Variants in SLC45A2 observed in about 807,000 individuals in gnomAD.
SLC45A2 encodes membrane-associated transporter protein.
Under a neutral mutation model 45.5 loss-of-function variants are expected in SLC45A2, and 36 were observed. The observed-to-expected ratio is 0.79, with a 90% CI of 0.61 to 1.04. The LOEUF is 1.04. SLC45A2 is among the 50% of genes least tolerant of loss of function. SLC45A2 has a pLI of 0.00. For synonymous variants in SLC45A2, 306 were observed against 269.3 expected, an observed-to-expected ratio of 1.14 and a Z score of -1.33; for missense variants, 719 against 671.0, an observed-to-expected ratio of 1.07 and a Z score of -0.79.
chr5:33,971,794 T>G (rs1283978922), intron 2 of SLC45A2, among the ~76,000 whole-genome samples: 2 of 152,030 alleles, frequency 1.3e-5, no homozygotes, highest in African/African-American at 4.8e-5. Flanking sequence ...GCCTGGCTAA[T>G]TTTTGTGTTT....
At chr5:33,967,209 C>T (rs1176179952) in intron 2 of SLC45A2, among the ~76,000 whole-genome samples, 1 of 152,222 alleles carries the variant, frequency 6.6e-6, no homozygotes, top group Non-Finnish European at 1.5e-5. Flanking sequence ...GTGATTAGAA[C>T]TAATGGATTA....
chr5:33,980,794 C>T (rs1030353727), intron 2 of SLC45A2, among the ~76,000 whole-genome samples: 1 of 151,928 alleles, frequency 6.6e-6, no homozygotes, highest in African/African-American at 2.4e-5. Context: ...AAAATCAAAC[C>T]CAATAAGGAT....
chr5:33,984,339 A>T lies in SLC45A2; in HGVS notation c.245T>A (p.Phe82Tyr), dbSNP rs1753174306. The part of the protein sequence containing the change: ...IVWFLSPILG[F>Y]LLQPVVGSAS... ...CGATCCGACCACGGGCTGCAGCAGG[A>T]ATCCCAGGATGGGGCTGAGGAACCA... Residue 82 changes from phenylalanine (F) to tyrosine (Y), a missense_variant, in exon 1 of 7, where the codon TTC becomes TAC. Physicochemically the swap from Phe to Tyr is conservative, Grantham distance 22. Coordinates refer to ENST00000296589, the MANE Select transcript of SLC45A2 (RefSeq NM_016180.5). 2 of 1,613,966 alleles carry T rather than the reference A, an allele frequency of 1.2e-6. No individual in the cohort carries two copies. Among genetic ancestry groups the T allele is most frequent in the African/African-American group, 2.7e-5 (2 of 74,932 alleles).
intron 4 of SLC45A2, among the ~76,000 whole-genome samples, 171 bp downstream of exon 4, chr5:33,954,190 C>T (rs532376291): frequency 6.6e-6 from 1 of 152,224 alleles, no homozygotes; most frequent in African/African-American, 2.4e-5. Context: ...CTCTAGTTGT[C>T]CAGGGTATAG....
chr5:33,947,375 C>T lies in SLC45A2; in HGVS notation c.1157-1G>A, dbSNP rs774993037. 2 of 1,613,850 alleles carry T rather than the reference C, an allele frequency of 1.2e-6. No homozygotes were observed. Among genetic ancestry groups the T allele is most frequent in the South Asian group, 1.1e-5 (1 of 91,078 alleles). ...TAGGATACCAAAACTTTCTGAAAGT[C>T]TGTGGGAAGAAGAGAGGGAGAAATT... On this transcript the variant is annotated splice_acceptor_variant, in intron 5 of 6. Transcript: ENST00000296589. LOFTEE classifies it high-confidence loss of function.
intron 4 of SLC45A2, among the ~76,000 whole-genome samples, chr5:33,953,227 G>C (rs1204839818): frequency 7.0e-6 from 1 of 141,952 alleles, no homozygotes. Context: ...GGATGGCTGG[G>C]TCAAATGGTA....
At chr5:33,955,967 G>T (rs764922169) in intron 3 of SLC45A2, among the ~76,000 whole-genome samples, 5 of 151,986 alleles carry the variant, frequency 3.3e-5, no homozygotes, top group Admixed American at 6.6e-5. Context: ...ATGTCCCAAA[G>T]AAATCAGCAG....
At chr5:33,959,396 C>A (rs1376281712) in intron 3 of SLC45A2, among the ~76,000 whole-genome samples, 1 of 152,122 alleles carries the variant, frequency 6.6e-6, no homozygotes, top group African/African-American at 2.4e-5. Flanking sequence ...TCTTAGAGTT[C>A]TGGCTTCTTG....
chr5:33,982,356 C>G lies in SLC45A2; in HGVS notation c.442G>C (p.Gly148Arg), dbSNP rs1753103689. 6.2e-7 allele frequency: 1 copy of G among 1,614,016 alleles called. No homozygotes were observed. Among genetic ancestry groups the G allele is most frequent in the African/African-American group, 1.3e-5 (1 of 74,894 alleles). Residue 148 changes from glycine to arginine, a missense_variant, in exon 2 of 7, where the codon GGT becomes CGT. Coordinates refer to ENST00000296589, the MANE Select transcript of SLC45A2 (RefSeq NM_016180.5). ...LVWAISVTMI[G>R]VVLFDFAADF... is the part of the protein sequence containing the mutation. Reference sequence around the variant, plus strand: ...GCAGCAAAATCAAAGAGAACGACACCTATCATGGTGACACTTATGGCCCAA... The same window carrying G: ...GCAGCAAAATCAAAGAGAACGACACGTATCATGGTGACACTTATGGCCCAA...
intron 6 of SLC45A2, chr5:33,946,801 G>A: frequency 1.7e-6 from 2 of 1,195,688 alleles, no homozygotes; most frequent in South Asian, 2.3e-5. Context: ...GGTGGCACCA[G>A]GGAGACCTAT....
intron 1 of SLC45A2, 85 bp downstream of exon 1, chr5:33,984,114 G>C: frequency 6.3e-7 from 1 of 1,580,396 alleles, no homozygotes; most frequent in Non-Finnish European, 8.6e-7. Flanking sequence ...TTCTAGGAAA[G>C]GTCAAACACA....
chr5:33,979,549 T>C (rs917290492), intron 2 of SLC45A2, among the ~76,000 whole-genome samples: 5 of 152,186 alleles, frequency 3.3e-5, no homozygotes, highest in African/African-American at 1.2e-4. Flanking sequence ...ATTTTCCCCA[T>C]AAGAGACAGC....
chr5:33,984,683 C>T lies in SLC45A2; in HGVS notation c.-100G>A. On this transcript the variant is annotated 5_prime_UTR_variant, in exon 1 of 7. Transcript: ENST00000296589. ...TTTGACGTGGAGCCTGGCCGAGCAA[C>T]CAACAGAGATGGTCAGGCTGGGGGA... is the stretch of plus-strand genomic sequence containing the variant. The T allele has an allele frequency of 2.0e-6, 3 of 1,527,708 alleles. No homozygotes were observed. Among genetic ancestry groups the T allele is most frequent in the Non-Finnish European group, 2.7e-6 (3 of 1,119,316 alleles). The allele number at this position is 1,527,708 out of a possible 1,614,324, so 94.6% of individuals were successfully genotyped here. A position where few individuals can be genotyped will look rare whatever the true frequency, so the allele number is the denominator to read the frequency against.
At chr5:33,954,573 C>T in intron 3 of SLC45A2, 69 bp from the exon 4 acceptor site, 4 of 1,598,314 alleles carry the variant, frequency 2.5e-6, no homozygotes. Context: ...GGAGCCAGAA[C>T]ACACAGACAT....
At chr5:33,973,977 C>T (rs1205762601) in intron 2 of SLC45A2, among the ~76,000 whole-genome samples, 1 of 152,230 alleles carries the variant, frequency 6.6e-6, no homozygotes, top group Non-Finnish European at 1.5e-5. Flanking sequence ...AGGAGCTGAA[C>T]AGGGCTGGCC....
intron 2 of SLC45A2, chr5:33,970,834 T>G: frequency 3.2e-6 from 1 of 311,872 alleles, no homozygotes; most frequent in South Asian, 3.0e-5. Flanking sequence ...AGACAGACAA[T>G]AAACAATAAA....
intron 2 of SLC45A2, chr5:33,972,430 T>C (rs930966436): frequency 8.0e-5 from 26 of 325,152 alleles, no homozygotes; most frequent in Admixed American, 1.5e-4. Context: ...TTACAAAGTA[T>C]GGTGAAATTA....
At chr5:33,962,224 G>T (rs1752476453) in intron 3 of SLC45A2, among the ~76,000 whole-genome samples, 1 of 152,196 alleles carries the variant, frequency 6.6e-6, no homozygotes, top group African/African-American at 2.4e-5. Context: ...GTGTTAGGCT[G>T]CAAATTCCTG....
chr5:33,946,915 T>C, intron 6 of SLC45A2: 2 of 1,417,356 alleles, frequency 1.4e-6, no homozygotes, highest in African/African-American at 1.4e-5. Context: ...AAAATGGGAG[T>C]AACACTTCTT....
Sources: allele counts gnomAD v4.1 joint callset (sites outside exome capture counted in the v4.1 genomes callset), GRCh38; gene constraint gnomAD v4.1.1; transcripts MANE v1.5; gene names NCBI Gene and HGNC (gene_info 2026-07-23, HGNC 2026-07-21).